ESR1: variants seen among roughly 807,000 people sequenced by gnomAD.
The protein encoded by ESR1 is estrogen receptor 1.
ESR1 carries 12 observed loss-of-function variants against 52.7 expected under a neutral mutation model. That is an observed-to-expected ratio of 0.23 (90% CI 0.15 to 0.37). The LOEUF (loss-of-function observed/expected upper bound fraction) is 0.37, where lower values mean the gene tolerates loss of function less well. ESR1 is among the 10% of genes least tolerant of loss of function. The probability of loss-of-function intolerance (pLI) is 1.00; values close to 1 mark genes in which losing one functional copy is unlikely to be tolerated. For missense variants in ESR1, 584 were observed against 779.7 expected, an observed-to-expected ratio of 0.75 and a Z score of 2.99; for synonymous variants, 305 against 316.8, an observed-to-expected ratio of 0.96 and a Z score of 0.39.
chr6:151,698,847 A>G (rs1224961398), intron 1 of ESR1, among the ~76,000 whole-genome samples: 1 of 152,206 alleles, frequency 6.6e-6, no homozygotes, highest in Non-Finnish European at 1.5e-5. Flanking sequence ...GGGTGACATG[A>G]TAACATTCAA....
chr6:151,991,335 A>T (rs1755295703), intron 4 of ESR1, among the ~76,000 whole-genome samples: 1 of 152,102 alleles, frequency 6.6e-6, no homozygotes, highest in East Asian at 1.9e-4. Context: ...TTCGCATTTT[A>T]TTTTTATTTT....
At chr6:151,784,598 G>A (rs1439875909) in intron 2 of ESR1, among the ~76,000 whole-genome samples, 3 of 152,158 alleles carry the variant, frequency 2.0e-5, no homozygotes, top group Non-Finnish European at 4.4e-5. Context: ...TTCCCAGACT[G>A]AGTTAGGCAA....
At chr6:151,688,280 C>T (rs1043151843), upstream of ESR1, among the ~76,000 whole-genome samples, 1 of 152,200 alleles carries the variant, frequency 6.6e-6, no homozygotes, top group Non-Finnish European at 1.5e-5. Flanking sequence ...TCTCATGACA[C>T]ATACAAAGCA....
chr6:151,726,189 A>G (rs1014897655), intron 2 of ESR1, among the ~76,000 whole-genome samples: 4 of 152,172 alleles, frequency 2.6e-5, no homozygotes, highest in Admixed American at 2.0e-4. Context: ...ATCCATGACT[A>G]GGATATATCC....
At chr6:151,913,272 T>G (rs1029603239) in intron 3 of ESR1, among the ~76,000 whole-genome samples, 24 of 152,174 alleles carry the variant, frequency 1.6e-4, no homozygotes, top group African/African-American at 5.5e-4. Flanking sequence ...TCACGTCACA[T>G]GCCCTTCTGC....
At chr6:151,897,799 A>G (rs1795787783) in intron 3 of ESR1, among the ~76,000 whole-genome samples, 1 of 152,190 alleles carries the variant, frequency 6.6e-6, no homozygotes, top group Non-Finnish European at 1.5e-5. Flanking sequence ...TTTACACATT[A>G]AGGAGGTTCT....
intron 3 of ESR1, among the ~76,000 whole-genome samples, chr6:151,897,953 A>C (rs1376190128): frequency 6.6e-6 from 1 of 152,150 alleles, no homozygotes; most frequent in Admixed American, 6.5e-5. Flanking sequence ...TTCATTTAAG[A>C]AGCTTAGTTT....
intron 3 of ESR1, among the ~76,000 whole-genome samples, chr6:151,934,549 C>T (rs2128494286): frequency 6.6e-6 from 1 of 152,312 alleles, no homozygotes; most frequent in African/African-American, 2.4e-5. Context: ...TAACCATTCT[C>T]AACCAGTTGT....
intron 2 of ESR1, among the ~76,000 whole-genome samples, chr6:151,782,560 G>C (rs112489543): frequency 6.6e-6 from 1 of 151,966 alleles, no homozygotes; most frequent in African/African-American, 2.4e-5. Context: ...AATATTTAAA[G>C]GTATGGTATA....
At chr6:151,857,971 T>G (rs1350568437) in intron 2 of ESR1, among the ~76,000 whole-genome samples, 1 of 152,238 alleles carries the variant, frequency 6.6e-6, no homozygotes, top group East Asian at 1.9e-4. Flanking sequence ...ACTTCTGTAA[T>G]AAAAACTTCA....
intron 3 of ESR1, among the ~76,000 whole-genome samples, chr6:151,941,389 C>T (rs1490355042): frequency 6.6e-6 from 1 of 152,138 alleles, no homozygotes; most frequent in African/African-American, 2.4e-5. Context: ...CAGGCATTTT[C>T]TTACCCCAGT....
At chr6:151,936,656 C>T (rs2034392517) in intron 3 of ESR1, among the ~76,000 whole-genome samples, 1 of 152,068 alleles carries the variant, frequency 6.6e-6, no homozygotes, top group South Asian at 2.1e-4. Flanking sequence ...TAATAACAAA[C>T]AAAAACTGGA....
chr6:151,686,620 G>C (rs990230614), upstream of ESR1, among the ~76,000 whole-genome samples: 1 of 152,058 alleles, frequency 6.6e-6, no homozygotes, highest in Admixed American at 6.6e-5. Flanking sequence ...CCCGAGAGGC[G>C]GAGCTTGCAG....
At chr6:151,892,228 T>A (rs1048327811) in intron 3 of ESR1, among the ~76,000 whole-genome samples, 9 of 152,180 alleles carry the variant, frequency 5.9e-5, no homozygotes, top group Non-Finnish European at 1.3e-4. Context: ...AAATTTTATG[T>A]TTTATGATCT....
chr6:151,935,221 T>C (rs929228900), intron 3 of ESR1, among the ~76,000 whole-genome samples: 15 of 152,178 alleles, frequency 9.9e-5, no homozygotes, highest in African/African-American at 3.4e-4. Context: ...TCATCATCAT[T>C]ATTATTATTA....
chr6:151,944,938 C>T (rs1391903660), intron 4 of ESR1, among the ~76,000 whole-genome samples: 4 of 152,142 alleles, frequency 2.6e-5, no homozygotes, highest in African/African-American at 7.2e-5. Context: ...TTTTAAGATT[C>T]GGTGTGGTGG....
At chr6:151,793,685 C>A (rs1043923790) in intron 2 of ESR1, among the ~76,000 whole-genome samples, 1 of 152,152 alleles carries the variant, frequency 6.6e-6, no homozygotes, top group Middle Eastern at 3.2e-3. Context: ...CCTTACAAGA[C>A]CACTGTCATA....
intron 1 of ESR1, among the ~76,000 whole-genome samples, chr6:151,840,470 G>A (rs9340792): frequency 0.013 from 1,936 of 152,266 alleles, 36 homozygotes; most frequent in African/African-American, 0.045. Flanking sequence ...TAGAATGGAC[G>A]AAATTGGCAA....
At chr6:151,698,495 A>G (rs145479680) in intron 1 of ESR1, among the ~76,000 whole-genome samples, 1 of 152,200 alleles carries the variant, frequency 6.6e-6, no homozygotes, top group Non-Finnish European at 1.5e-5. Flanking sequence ...CTGCTTGGAA[A>G]GGAAAACTGT....
Sources: gnomAD v4.1 joint callset for allele counts (sites outside exome capture counted in the v4.1 genomes callset) on GRCh38, gnomAD v4.1.1 for gene constraint, MANE v1.5 for transcripts, NCBI Gene and HGNC (gene_info 2026-07-23, HGNC 2026-07-21) for gene names.